FAM120A: variants seen among roughly 807,000 people sequenced by gnomAD.
FAM120A encodes family with sequence similarity 120 member A, also known as constitutive coactivator of PPAR-gamma-like protein 1.
In FAM120A, 15 loss-of-function variants were observed where a neutral mutation model predicts 109.7. That is an observed-to-expected ratio of 0.14 (90% CI 0.09 to 0.21). The LOEUF (loss-of-function observed/expected upper bound fraction) is 0.21, where lower values mean the gene tolerates loss of function less well. FAM120A is among the 10% of genes least tolerant of loss of function. The probability of loss-of-function intolerance (pLI) is 1.00; values close to 1 mark genes in which losing one functional copy is unlikely to be tolerated. For missense variants in FAM120A, 899 were observed against 1,439.3 expected (o/e 0.62, Z 6.07); for synonymous variants, 493 against 572.8 (o/e 0.86, Z 1.99).
chr9:93,473,375 G>A (rs1588799767), intron 2 of FAM120A, among the ~76,000 whole-genome samples: 1 of 151,964 alleles, frequency 6.6e-6, no homozygotes, highest in South Asian at 2.1e-4. Context: ...GTGCAATCTC[G>A]GCTCACTGCA....
intron 1 of FAM120A, among the ~76,000 whole-genome samples, chr9:93,468,466 G>A (rs1233214314): frequency 6.6e-6 from 1 of 152,208 alleles, no homozygotes; most frequent in African/African-American, 2.4e-5. Flanking sequence ...TGACCAGAGT[G>A]TAGGTATGGT....
intron 5 of FAM120A, among the ~76,000 whole-genome samples, 155 bp downstream of exon 5, chr9:93,499,041 A>T (rs1233790117): frequency 1.3e-5 from 2 of 152,216 alleles, no homozygotes; most frequent in East Asian, 3.8e-4. Flanking sequence ...CAGACTCAGT[A>T]GCAATCCCTG....
chr9:93,537,747 CTA>C (rs1462763318), intron 10 of FAM120A, among the ~76,000 whole-genome samples: 1 of 152,036 alleles, frequency 6.6e-6, no homozygotes, highest in Non-Finnish European at 1.5e-5. Context: ...AAAAAGTAAA[CTA>C]AGTCTGCTCA....
rs1862339607 is a variant in FAM120A, at chr9:93,557,807, T to C, written c.2485-20T>C. The C allele has an allele frequency of 5.6e-6, 9 of 1,607,504 alleles. No homozygotes were observed. Among genetic ancestry groups the C allele is most frequent in the Non-Finnish European group, 7.7e-6 (9 of 1,175,690 alleles). On this transcript the variant is annotated intron_variant, in intron 13 of 17. Transcript: ENST00000277165. The stretch of plus-strand genomic sequence containing the variant: ...ACCCCCTGTGGATGGCATTTTCACA[T>C]GCTGGTCCTTGTCTTCCAGGCTGAT...
At chr9:93,525,667 C>T (rs541065960) in intron 7 of FAM120A, among the ~76,000 whole-genome samples, 2 of 152,304 alleles carry the variant, frequency 1.3e-5, no homozygotes, top group Admixed American at 1.3e-4. Context: ...CCTCCTGAGC[C>T]GCTATCCATT....
intron 7 of FAM120A, among the ~76,000 whole-genome samples, chr9:93,517,142 A>G (rs1339713476): frequency 6.6e-6 from 1 of 152,208 alleles, no homozygotes; most frequent in Non-Finnish European, 1.5e-5. Context: ...TGAAATGGGA[A>G]TAAATGTCTG....
intron 3 of FAM120A, among the ~76,000 whole-genome samples, chr9:93,494,176 T>C (rs7031483): frequency 0.036 from 5,488 of 152,294 alleles, 169 homozygotes; most frequent in African/African-American, 0.07. Flanking sequence ...ACTGTGCCCT[T>C]GTGCCCTGCA....
intron 7 of FAM120A, among the ~76,000 whole-genome samples, chr9:93,523,544 T>G (rs1296262775): frequency 6.6e-6 from 1 of 152,248 alleles, no homozygotes; most frequent in Non-Finnish European, 1.5e-5. Context: ...AAATTAATTG[T>G]GATCTATATC....
At chr9:93,555,610 G>C (rs532522759) in intron 12 of FAM120A, among the ~76,000 whole-genome samples, 91 of 152,322 alleles carry the variant, frequency 6.0e-4, no homozygotes, top group Non-Finnish European at 1.0e-3. Context: ...AGATGATCAA[G>C]AGTTGACTGT....
chr9:93,527,639 T>C (rs1861146742), intron 8 of FAM120A, among the ~76,000 whole-genome samples: 1 of 140,504 alleles, frequency 7.1e-6, no homozygotes, highest in African/African-American at 2.8e-5. Context: ...TTTTTTTTTT[T>C]TGAGATGGAG....
chr9:93,493,179 A>G (rs1859408597), intron 3 of FAM120A, among the ~76,000 whole-genome samples: 1 of 152,198 alleles, frequency 6.6e-6, no homozygotes, highest in African/African-American at 2.4e-5. Context: ...TTAAACCACA[A>G]AGGTTAGGAC....
At chr9:93,488,588 C>T (rs953330227) in intron 3 of FAM120A, among the ~76,000 whole-genome samples, 1 of 152,098 alleles carries the variant, frequency 6.6e-6, no homozygotes, top group African/African-American at 2.4e-5. Flanking sequence ...CCAGTCCTCT[C>T]TACTTGGATG....
At chr9:93,508,713 G>A (rs1051290318) in intron 5 of FAM120A, among the ~76,000 whole-genome samples, 1 of 152,194 alleles carries the variant, frequency 6.6e-6, no homozygotes, top group Non-Finnish European at 1.5e-5. Flanking sequence ...ACTGAGAGGG[G>A]CTCCTGTGCT....
intron 3 of FAM120A, among the ~76,000 whole-genome samples, chr9:93,485,980 T>TA (rs1223123129): frequency 6.6e-6 from 1 of 151,910 alleles, no homozygotes; most frequent in Non-Finnish European, 1.5e-5. Context: ...ATTCCTTTTT[T>TA]AAAAAAAAGA....
At chr9:93,499,526 G>A (rs1028431992) in intron 5 of FAM120A, among the ~76,000 whole-genome samples, 1 of 152,124 alleles carries the variant, frequency 6.6e-6, no homozygotes, top group Non-Finnish European at 1.5e-5. Context: ...AGCCTCAAGC[G>A]ATCTGCCCAT....
intron 11 of FAM120A, among the ~76,000 whole-genome samples, chr9:93,546,955 T>C (rs1861913899): frequency 6.6e-6 from 1 of 152,268 alleles, no homozygotes; most frequent in Non-Finnish European, 1.5e-5. Flanking sequence ...TTGCTTTTAC[T>C]AGTGATGTTA....
Position 93,452,981 on chromosome 9 carries a change from CCT to C in FAM120A, c.474+595_474+596del. The C allele has an allele frequency of 1.5e-6, 2 of 1,332,118 alleles. No homozygotes were observed. Among genetic ancestry groups the C allele is most frequent in the East Asian group, 3.3e-5 (1 of 30,220 alleles). 82.5% of individuals were successfully genotyped at this position (1,332,118 alleles called of 1,614,324 possible). Reference sequence around the variant, plus strand: ...CAGAACGCAGTGCCCTGTCCGTGTTCCTCTTAGTACAGGGTGTTTAGAGAATC... The same window carrying C: ...CAGAACGCAGTGCCCTGTCCGTGTTCCTTAGTACAGGGTGTTTAGAGAATC... On this transcript the variant is annotated intron_variant, in intron 1 of 17. Coordinates refer to ENST00000277165, the MANE Select transcript of FAM120A (RefSeq NM_014612.5). The surrounding 1 kb of genome is among the most constrained non-coding windows in gnomAD (Gnocchi z 7.0).
At position 93,452,147 on chromosome 9, in the gene FAM120A, C is replaced by A; in HGVS notation, c.232C>A (p.Leu78Met). The A allele has an allele frequency of 6.2e-7, 1 of 1,611,872 alleles. No individual in the cohort carries two copies. The highest frequency in any genetic ancestry group is 2.2e-5 in the East Asian group (1 of 44,864). Residue 78 changes from leucine (L) to methionine (M), a missense_variant, in exon 1 of 18, where the codon CTG becomes ATG. Physicochemically the swap from Leu to Met is conservative, Grantham distance 15. This residue lies in a region of FAM120A where 258 missense variants were observed against 451.4 expected (regional missense o/e 0.57). Transcript: ENST00000277165. This position sits in a 1 kb window ranked among gnomAD's most constrained non-coding sequence, Gnocchi z 7.0. ...GGQWNHMLGY[L>M]AALAKACFGG... ...CCAGTGGAACCACATGCTTGGCTAC[C>A]TGGCGGCGCTGGCCAAGGCCTGCTT...
chr9:93,552,019 G>C (rs1172937886), intron 12 of FAM120A, among the ~76,000 whole-genome samples: 1 of 152,128 alleles, frequency 6.6e-6, no homozygotes, highest in Non-Finnish European at 1.5e-5. Flanking sequence ...CACCGTCTTC[G>C]TCACAGATTG....
Sources: gnomAD v4.1 joint callset for allele counts (sites outside exome capture counted in the v4.1 genomes callset) on GRCh38, gnomAD v4.1.1 for gene constraint, gnomAD v4.1.1 regional missense constraint, Gnocchi (gnomAD v3.1) non-coding constraint, MANE v1.5 for transcripts, NCBI Gene and HGNC (gene_info 2026-07-23, HGNC 2026-07-21) for gene names.